SNX29: variants seen among roughly 807,000 people sequenced by gnomAD.
SNX29 encodes the protein sorting nexin 29.
A neutral mutation model predicts 102.1 loss-of-function variants in SNX29; 78 were observed. The observed-to-expected ratio is 0.76, with a 90% CI of 0.64 to 0.92. The LOEUF is 0.92. Ranked by LOEUF, SNX29 falls within the 40% of genes least tolerant of loss-of-function variation. The probability of loss-of-function intolerance (pLI) is 0.00; values close to 1 mark genes in which losing one functional copy is unlikely to be tolerated. For synonymous variants in SNX29, 580 were observed against 414.5 expected (o/e 1.40, Z -4.85); for missense variants, 1,280 against 1,061.7 (o/e 1.21, Z -2.86).
chr16:12,158,565 T>C (rs2055652974), intron 13 of SNX29, among the ~76,000 whole-genome samples: 1 of 152,188 alleles, frequency 6.6e-6, no homozygotes, highest in Non-Finnish European at 1.5e-5. Context: ...TATTTTGTGG[T>C]CCATTTGCCT....
At chr16:12,371,657 G>C (rs2082687863) in intron 16 of SNX29, among the ~76,000 whole-genome samples, 2 of 152,158 alleles carry the variant, frequency 1.3e-5, no homozygotes, top group South Asian at 4.1e-4. Context: ...CTCCTGTCCA[G>C]GGTGTCATTG....
chr16:12,492,888 A>G (rs995722037), intron 19 of SNX29, among the ~76,000 whole-genome samples: 4 of 152,280 alleles, frequency 2.6e-5, no homozygotes, highest in Admixed American at 1.3e-4. Flanking sequence ...CCATTGATCT[A>G]TATTTCTGTT....
At chr16:12,007,186 A>C (rs1432641349) in intron 3 of SNX29, among the ~76,000 whole-genome samples, 1 of 152,238 alleles carries the variant, frequency 6.6e-6, no homozygotes, top group East Asian at 1.9e-4. Context: ...TGGAAAGGCC[A>C]CATCATTGTC....
chr16:12,211,923 G>A (rs1292948994), intron 14 of SNX29, among the ~76,000 whole-genome samples: 1 of 152,104 alleles, frequency 6.6e-6, no homozygotes, highest in Non-Finnish European at 1.5e-5. Flanking sequence ...AAATATCTGG[G>A]TACTGTGACC....
intron 15 of SNX29, among the ~76,000 whole-genome samples, chr16:12,278,959 T>TA (rs577694911): frequency 6.6e-6 from 1 of 152,020 alleles, no homozygotes; most frequent in South Asian, 2.1e-4. Context: ...GATACCTGAT[T>TA]AAAAAAAGGG....
intron 18 of SNX29, among the ~76,000 whole-genome samples, chr16:12,421,330 A>G (rs935452627): frequency 6.6e-6 from 1 of 152,224 alleles, no homozygotes; most frequent in African/African-American, 2.4e-5. Flanking sequence ...AAGTCCAGAC[A>G]AAGATTTAGC....
At chr16:12,445,163 TTG>T (rs1411346158) in intron 18 of SNX29, among the ~76,000 whole-genome samples, 1 of 152,160 alleles carries the variant, frequency 6.6e-6, no homozygotes, top group Non-Finnish European at 1.5e-5. Flanking sequence ...CAGTTTTTTT[TTG>T]TTTTTGAATA....
chr16:12,362,212 G>A lies in SNX29; in HGVS notation c.1899+5933G>A, dbSNP rs112289591. On this transcript the variant is annotated intron_variant, in intron 16 of 20. Transcript: ENST00000566228. ...CCTGTTGGATGTTGCATAGTTTCCC[G>A]TTTTTGTTTTTACAGTAATGTTGGG... Among the ~76,000 whole-genome samples, 820 of 152,270 alleles carry A rather than the reference G, an allele frequency of 5.4e-3. 6 individuals are homozygous for A. The highest frequency in any genetic ancestry group is 0.019 in the African/African-American group (773 of 41,536).
intron 18 of SNX29, among the ~76,000 whole-genome samples, chr16:12,456,070 GTTCA>G (rs998731364): frequency 6.6e-6 from 1 of 152,146 alleles, no homozygotes; most frequent in Non-Finnish European, 1.5e-5. Flanking sequence ...TCATTTGTTT[GTTCA>G]TTCATTCATT....
At chr16:12,411,215 C>G (rs1174501589) in intron 18 of SNX29, among the ~76,000 whole-genome samples, 1 of 152,142 alleles carries the variant, frequency 6.6e-6, no homozygotes. Flanking sequence ...TGTTGTATAC[C>G]AGGTAGACAG....
intron 16 of SNX29, among the ~76,000 whole-genome samples, chr16:12,390,516 T>C (rs755772875): frequency 1.3e-5 from 2 of 152,158 alleles, no homozygotes; most frequent in Non-Finnish European, 2.9e-5. Context: ...CCCTGTCACC[T>C]GCAGAGAGTC....
chr16:12,080,696 T>G (rs916631116), intron 11 of SNX29, among the ~76,000 whole-genome samples: 1 of 150,834 alleles, frequency 6.6e-6, no homozygotes, highest in African/African-American at 2.4e-5. Context: ...AGTTTACTTT[T>G]TTTTTTTTTT....
rs574515883 is a variant in SNX29, at chr16:11,991,943, T to C, written c.8-7354T>C. Reference sequence around the variant, plus strand: ...AGCCCTTGGGAGAATCCTACTGTAGTTGTTCCTTAGAATAGGAACATTTTC... The same window carrying C: ...AGCCCTTGGGAGAATCCTACTGTAGCTGTTCCTTAGAATAGGAACATTTTC... On this transcript the variant is annotated intron_variant, in intron 1 of 20. Transcript: ENST00000566228. 3.3e-5 allele frequency among the ~76,000 whole-genome samples: 5 copies of C among 152,230 alleles called. No homozygotes were observed. The East Asian group carries it at 9.6e-4, about 29-fold the overall frequency.
chr16:12,135,829 T>A (rs921743955), intron 13 of SNX29: 1 of 369,150 alleles, frequency 2.7e-6, no homozygotes, highest in Non-Finnish European at 5.2e-6. Flanking sequence ...GCACGTGTAT[T>A]TTCTCTGCAC....
At chr16:12,401,311 A>T (rs939595846) in intron 17 of SNX29, among the ~76,000 whole-genome samples, 4 of 152,104 alleles carry the variant, frequency 2.6e-5, no homozygotes, top group East Asian at 1.9e-4. Context: ...ATTAATTTTT[A>T]AAAATTGAAA....
intron 16 of SNX29, among the ~76,000 whole-genome samples, chr16:12,361,606 A>G (rs913583981): frequency 6.6e-6 from 1 of 151,780 alleles, no homozygotes; most frequent in East Asian, 1.9e-4. Flanking sequence ...AAATGATGCA[A>G]CTCTCCCAGC....
At chr16:12,082,391 GTC>G (rs1185697842) in intron 11 of SNX29, among the ~76,000 whole-genome samples, 1 of 152,140 alleles carries the variant, frequency 6.6e-6, no homozygotes, top group Non-Finnish European at 1.5e-5. Context: ...TGTCAGCTGC[GTC>G]TCAGGTCCAC....
intron 13 of SNX29, among the ~76,000 whole-genome samples, chr16:12,158,829 C>A (rs1182999114): frequency 1.3e-5 from 2 of 152,216 alleles, no homozygotes; most frequent in East Asian, 3.8e-4. Context: ...AATGGGGGAA[C>A]CCTTAGCTCA....
rs74875094 is a variant in SNX29, at chr16:12,570,804, T to C, written c.*2175T>C. 1,755 of 232,446 alleles carry C rather than the reference T, an allele frequency of 7.6e-3. 34 individuals are homozygous for C. The highest frequency in any genetic ancestry group is 0.036 in the African/African-American group (1,650 of 45,394). The allele number at this position is 232,446 out of a possible 1,614,324, so 14.4% of individuals were successfully genotyped here. ...GCAACAGTCCCCCATTGCTGAGAGA[T>C]ACTAACCCGTGAGAAACAAGTATGC... is the stretch of plus-strand genomic sequence containing the variant. On this transcript the variant is annotated 3_prime_UTR_variant, in exon 21 of 21. Coordinates refer to ENST00000566228, the MANE Select transcript of SNX29 (RefSeq NM_032167.5).
Sources: allele counts gnomAD v4.1 joint callset (sites outside exome capture counted in the v4.1 genomes callset), GRCh38; gene constraint gnomAD v4.1.1; transcripts MANE v1.5; gene names NCBI Gene and HGNC (gene_info 2026-07-23, HGNC 2026-07-21).